Variants in RERG observed in about 807,000 individuals in gnomAD.
RERG encodes the protein RAS like estrogen regulated growth inhibitor, also known as ras-related and estrogen-regulated growth inhibitor.
In RERG, 25 loss-of-function variants were observed where a neutral mutation model predicts 23.2. That is an observed-to-expected ratio of 1.08 (90% confidence interval 0.79 to 1.50). The LOEUF (loss-of-function observed/expected upper bound fraction) is 1.50. Ranked by LOEUF, RERG falls within the 40% of genes most tolerant of loss-of-function variation. The pLI, the probability that RERG is intolerant of heterozygous loss-of-function variation, is 0.00. For missense variants in RERG, 253 were observed against 250.1 expected (o/e 1.01, Z -0.08); for synonymous variants, 81 against 89.1 (o/e 0.91, Z 0.51).
rs942473894 is a variant in RERG at position 15,213,993 on chromosome 12, A to AGTATGT, written c.61+3430_61+3435dup. On this transcript the variant is annotated intron_variant, in intron 2 of 4. Coordinates refer to ENST00000256953, the MANE Select transcript of RERG (RefSeq NM_032918.3). Reference sequence around the variant, plus strand: ...GTTCAAGAAAGAGAAAAACAGAGAAAGTATGTGTGTGTGTGTGTGTGTGTG... The same window carrying AGTATGT: ...GTTCAAGAAAGAGAAAAACAGAGAAAGTATGTGTATGTGTGTGTGTGTGTGTGTGTG... 3.6e-4 allele frequency among the ~76,000 whole-genome samples: 32 copies of AGTATGT among 89,416 alleles called. No homozygotes were observed. In the Admixed American group the frequency reaches 4.1e-3, roughly 12 times the overall value. The allele number at this position is 89,416 out of a possible 152,430, so 58.7% of individuals were successfully genotyped here.
intron 2 of RERG, 64 bp downstream of exon 2, chr12:15,217,365 A>C: frequency 9.3e-7 from 1 of 1,079,218 alleles, no homozygotes; most frequent in African/African-American, 1.5e-5. Flanking sequence ...ATCCCAAGAA[A>C]CAGTAATAAA....
chr12:15,148,702 C>A (rs1864376108), intron 2 of RERG, among the ~76,000 whole-genome samples: 1 of 151,916 alleles, frequency 6.6e-6, no homozygotes, highest in African/African-American at 2.4e-5. Context: ...CTACTAATTC[C>A]CCAGGAATTT....
Position 15,108,964 on chromosome 12 carries a change from C to T in RERG, c.*146G>A. On this transcript the variant is annotated 3_prime_UTR_variant, in exon 5 of 5. Coordinates refer to ENST00000256953, the MANE Select transcript of RERG (RefSeq NM_032918.3). ...AATTGCATAAAACACGCTAAAACTT[C>T]CCAACCTATTAGAGGCCAGAAACAA... 3.7e-6 allele frequency: 3 copies of T among 809,964 alleles called. No individual in the cohort carries two copies. Among genetic ancestry groups the T allele is most frequent in the Middle Eastern group, 7.7e-4 (2 of 2,596 alleles). 50.2% of individuals were successfully genotyped at this position (809,964 alleles called of 1,614,324 possible).
chr12:15,192,218 T>TTGCTCC (rs1400977100), intron 2 of RERG, among the ~76,000 whole-genome samples: 2 of 152,280 alleles, frequency 1.3e-5, no homozygotes, highest in African/African-American at 2.4e-5. Context: ...GCTGTCTCTC[T>TTGCTCC]TGCTCCTGCT....
rs146442147 is a variant in RERG, at chr12:15,220,166, G to A, written c.-115+1029C>T. ...ATGTTCCAAATAATTCATAATCTGA[G>A]AGCTTCCATACGTGGATCTAAGAAA... On this transcript the variant is annotated intron_variant, in intron 1 of 4. Coordinates refer to ENST00000256953, the MANE Select transcript of RERG (RefSeq NM_032918.3). Among the ~76,000 whole-genome samples the A allele has an allele frequency of 1.5e-3, 223 of 152,276 alleles. 2 individuals carry two copies. The highest frequency in any genetic ancestry group is 5.2e-3 in the African/African-American group (217 of 41,562).
At chr12:15,110,463 CTTTTTTTTTT>C (rs869218147) in intron 4 of RERG, among the ~76,000 whole-genome samples, 7 of 73,080 alleles carry the variant, frequency 9.6e-5, no homozygotes, top group Non-Finnish European at 1.2e-4. Flanking sequence ...CCATTTTTTT[CTTTTTTTTTT>C]TTTTTTTTTT....
intron 2 of RERG, among the ~76,000 whole-genome samples, chr12:15,126,724 CTTTT>C (rs71042228): frequency 7.5e-6 from 1 of 132,464 alleles, no homozygotes. Context: ...CTTTTTCTTT[CTTTT>C]TTTTTTTTTT....
At chr12:15,186,371 C>A (rs1012693147) in intron 2 of RERG, among the ~76,000 whole-genome samples, 4 of 151,798 alleles carry the variant, frequency 2.6e-5, no homozygotes, top group African/African-American at 7.3e-5. Context: ...CAAAGATTAA[C>A]CTTTGCAGGA....
intron 2 of RERG, among the ~76,000 whole-genome samples, chr12:15,167,959 G>A (rs1226890678): frequency 6.6e-6 from 1 of 152,130 alleles, no homozygotes; most frequent in Non-Finnish European, 1.5e-5. Context: ...CCTGAGAGAA[G>A]GTAATGTCAA....
intron 2 of RERG, among the ~76,000 whole-genome samples, chr12:15,194,508 C>CG (rs1865116184): frequency 4.5e-4 from 3 of 6,684 alleles, no homozygotes; most frequent in Non-Finnish European, 1.2e-3. Context: ...CCCGATCTCC[C>CG]TAAAAAAAAA....
intron 2 of RERG, among the ~76,000 whole-genome samples, chr12:15,128,842 C>A (rs1160018911): frequency 6.6e-6 from 1 of 152,156 alleles, no homozygotes; most frequent in Non-Finnish European, 1.5e-5. Context: ...GCACCTCGAG[C>A]AACCTCCTGT....
At chr12:15,143,072 G>C (rs1864263793) in intron 2 of RERG, among the ~76,000 whole-genome samples, 2 of 152,186 alleles carry the variant, frequency 1.3e-5, no homozygotes, top group South Asian at 2.1e-4. Context: ...CATGCTGTCT[G>C]AAGCTCTGCT....
intron 1 of RERG, among the ~76,000 whole-genome samples, chr12:15,218,527 G>A (rs1382548390): frequency 2.6e-5 from 4 of 152,068 alleles, no homozygotes; most frequent in Admixed American, 1.3e-4. Flanking sequence ...CCACTTCCAG[G>A]TATGAAAGGT....
intron 3 of RERG, among the ~76,000 whole-genome samples, chr12:15,118,818 G>A (rs1220024725): frequency 1.3e-5 from 2 of 151,838 alleles, no homozygotes; most frequent in African/African-American, 2.4e-5. Flanking sequence ...ATGCTTCCAC[G>A]CTTCCTGTAC....
chr12:15,201,166 AC>A (rs1865209763), intron 2 of RERG, among the ~76,000 whole-genome samples: 1 of 151,972 alleles, frequency 6.6e-6, no homozygotes, highest in Non-Finnish European at 1.5e-5. Flanking sequence ...CAGGTTAAGT[AC>A]TTTTCATGGA....
intron 2 of RERG, among the ~76,000 whole-genome samples, chr12:15,126,128 C>CATATATATATATATATATATATATATAT (rs67901734): frequency 1.6e-4 from 14 of 89,078 alleles, no homozygotes; most frequent in South Asian, 3.6e-4. Flanking sequence ...TTGTATATAC[C>CATATATATATATATATATATATATATAT]ATATATATAT....
intron 2 of RERG, among the ~76,000 whole-genome samples, chr12:15,134,259 T>C (rs1368134554): frequency 6.6e-6 from 1 of 152,178 alleles, no homozygotes; most frequent in Non-Finnish European, 1.5e-5. Flanking sequence ...TCATTTTGAG[T>C]TAATTTTTGT....
chr12:15,190,252 G>C (rs1865051595), intron 2 of RERG, among the ~76,000 whole-genome samples: 1 of 151,950 alleles, frequency 6.6e-6, no homozygotes, highest in Non-Finnish European at 1.5e-5. Flanking sequence ...CACCACATTG[G>C]AAGAAGAATT....
intron 2 of RERG, among the ~76,000 whole-genome samples, chr12:15,147,635 C>T (rs992169314): frequency 1.3e-5 from 2 of 152,136 alleles, no homozygotes; most frequent in African/African-American, 4.8e-5. Context: ...GAACATTCAA[C>T]AACAAACACA....
Sources: gnomAD v4.1 joint callset for allele counts (sites outside exome capture counted in the v4.1 genomes callset) on GRCh38, gnomAD v4.1.1 for gene constraint, MANE v1.5 for transcripts, NCBI Gene and HGNC (gene_info 2026-07-23, HGNC 2026-07-21) for gene names.